XPO1: variants seen among roughly 807,000 people sequenced by gnomAD.
The protein encoded by XPO1 is exportin 1, also known as exportin-1.
Under a neutral mutation model 133.3 loss-of-function variants are expected in XPO1, and 5 were observed. That is an observed-to-expected ratio of 0.04 (90% confidence interval 0.02 to 0.08). The LOEUF is 0.08. XPO1 is among the 10% of genes least tolerant of loss of function. The pLI, the probability that XPO1 is intolerant of heterozygous loss-of-function variation, is 1.00. For synonymous variants in XPO1, 419 were observed against 408.2 expected, an observed-to-expected ratio of 1.03 and a Z score of -0.32; for missense variants, 506 against 1,267.5, an observed-to-expected ratio of 0.40 and a Z score of 9.12.
intron 4 of XPO1, among the ~76,000 whole-genome samples, chr2:61,516,100 T>G (rs909080023): frequency 6.7e-6 from 1 of 149,168 alleles, no homozygotes; most frequent in African/African-American, 2.5e-5. Context: ...CACTCCAGCC[T>G]GGGCGACAGA....
At chr2:61,494,344 CATTT>C in intron 11 of XPO1, 1 of 354,120 alleles carries the variant, frequency 2.8e-6, no homozygotes. Context: ...AATGGAACGA[CATTT>C]ATTTAAAAGG....
chr2:61,504,167 A>G (rs964345249), intron 4 of XPO1, among the ~76,000 whole-genome samples: 1 of 152,232 alleles, frequency 6.6e-6, no homozygotes. Flanking sequence ...GAAGTTTAGG[A>G]AAAAGTTTTC....
chr2:61,479,384 G>A (rs1255172125), intron 24 of XPO1, among the ~76,000 whole-genome samples: 5 of 151,926 alleles, frequency 3.3e-5, no homozygotes, highest in Non-Finnish European at 4.4e-5. Context: ...CCTGCATGGC[G>A]GAGGTTGCAG....
chr2:61,520,005 C>T (rs1698611411), intron 4 of XPO1, among the ~76,000 whole-genome samples: 1 of 151,976 alleles, frequency 6.6e-6, no homozygotes, highest in Non-Finnish European at 1.5e-5. Context: ...TTTTGTCTTC[C>T]CAACTATAAC....
chr2:61,482,033 C>CTTTTTTTTTTTATTTTTT (rs1491506588), intron 23 of XPO1, among the ~76,000 whole-genome samples: 1 of 86,820 alleles, frequency 1.2e-5, no homozygotes, highest in Non-Finnish European at 2.5e-5. Flanking sequence ...CCGTGCGTGG[C>CTTTTTTTTTTTATTTTTT]CTTTTTTTTT....
chr2:61,484,148 T>C (rs1696551041), intron 20 of XPO1, 43 bp from the exon 21 acceptor site: 1 of 1,547,916 alleles, frequency 6.5e-7, no homozygotes, highest in Non-Finnish European at 8.9e-7. Flanking sequence ...TCAGTGTCTT[T>C]GTTGTGCTAG....
chr2:61,527,074 C>T (rs1698936844), intron 2 of XPO1, among the ~76,000 whole-genome samples: 1 of 152,138 alleles, frequency 6.6e-6, no homozygotes, highest in Non-Finnish European at 1.5e-5. Context: ...GGGAGTAAAT[C>T]TGGTTTATTT....
chr2:61,502,892 C>G (rs1196164387), intron 4 of XPO1, among the ~76,000 whole-genome samples: 1 of 151,988 alleles, frequency 6.6e-6, no homozygotes, highest in Non-Finnish European at 1.5e-5. Context: ...CAGGAACAAG[C>G]CAACAAGCCC....
chr2:61,530,738 A>C (rs1051655591), intron 2 of XPO1, among the ~76,000 whole-genome samples: 7 of 151,924 alleles, frequency 4.6e-5, no homozygotes, highest in Non-Finnish European at 1.0e-4. Flanking sequence ...TAAAAAAAAA[A>C]AAACCTACCT....
chr2:61,515,609 CAA>C, intron 4 of XPO1, among the ~76,000 whole-genome samples: 1 of 152,132 alleles, frequency 6.6e-6, no homozygotes, highest in Admixed American at 6.5e-5. Flanking sequence ...CAAAACCTTG[CAA>C]CACAAACTGA....
Position 61,496,941 on chromosome 2 carries a change from C to G in XPO1, c.826G>C (p.Val276Leu). 1 of 1,613,374 alleles carries G rather than the reference C, an allele frequency of 6.2e-7. No individual in the cohort carries two copies. The highest frequency in any genetic ancestry group is 8.5e-7 in the Non-Finnish European group (1 of 1,179,794). Residue 276 changes from valine (V) to leucine (L), a missense_variant, in exon 10 of 25, where the codon GTA becomes CTA. By Grantham distance (32) the Val-to-Leu change is conservative. Transcript: ENST00000401558. Reference protein sequence around the residue: ...KCLTEIAGVSVSQYEEQFVTL... With the variant: ...KCLTEIAGVSLSQYEEQFVTL... Reference sequence around the variant, plus strand: ...ACAAATTGTTCTTCATATTGGCTTACACTCACACCAGCAATCTCAGTGAGG... The same window carrying G: ...ACAAATTGTTCTTCATATTGGCTTAGACTCACACCAGCAATCTCAGTGAGG...
intron 1 of XPO1, among the ~76,000 whole-genome samples, chr2:61,535,408 C>T (rs1302469227): frequency 2.6e-5 from 4 of 152,166 alleles, no homozygotes; most frequent in Non-Finnish European, 5.9e-5. Flanking sequence ...GTCAGATCTC[C>T]ACTTCTTCCC....
chr2:61,516,251 G>A (rs1183040842), intron 4 of XPO1, among the ~76,000 whole-genome samples: 2 of 150,014 alleles, frequency 1.3e-5, no homozygotes, highest in East Asian at 4.0e-4. Flanking sequence ...GCTGCAGTGA[G>A]TGGAGATTGA....
At chr2:61,513,198 A>T (rs541891352) in intron 4 of XPO1, among the ~76,000 whole-genome samples, 3 of 151,958 alleles carry the variant, frequency 2.0e-5, no homozygotes, top group African/African-American at 7.2e-5. Flanking sequence ...AGTCGGGATT[A>T]CAGGTGCATG....
At chr2:61,505,629 G>A (rs62151771) in intron 4 of XPO1, among the ~76,000 whole-genome samples, 1 of 152,068 alleles carries the variant, frequency 6.6e-6, no homozygotes, top group Admixed American at 6.6e-5. Context: ...CGTGATCTCA[G>A]CTCACTGCAA....
At chr2:61,512,279 CCT>C (rs1253251816) in intron 4 of XPO1, among the ~76,000 whole-genome samples, 1 of 152,118 alleles carries the variant, frequency 6.6e-6, no homozygotes, top group Non-Finnish European at 1.5e-5. Flanking sequence ...GAAACAATCA[CCT>C]CTGAGTAACA....
In XPO1 at chr2:61,522,594, ATTCT is replaced by A. The variant is rs1698748676; in HGVS notation, c.301+13_301+16del. The A allele has an allele frequency of 3.1e-6, 5 of 1,606,602 alleles. No homozygotes were observed. Among genetic ancestry groups the A allele is most frequent in the Non-Finnish European group, 4.3e-6 (5 of 1,174,858 alleles). Reference sequence around the variant, plus strand: ...GGAAAAACAAAACTCTGAATTTATAATTCTTTATTTTCCTACCTTCGCACTGGTT... The same window carrying A: ...GGAAAAACAAAACTCTGAATTTATAATTATTTTCCTACCTTCGCACTGGTT... On this transcript the variant is annotated intron_variant, in intron 4 of 24. Transcript: ENST00000401558.
intron 24 of XPO1, among the ~76,000 whole-genome samples, chr2:61,479,873 CTT>C (rs2104218018): frequency 6.6e-6 from 1 of 151,876 alleles, no homozygotes; most frequent in Admixed American, 6.6e-5. Flanking sequence ...ACTTTTTTCT[CTT>C]TTCTTTTGAG....
At chr2:61,524,968 T>C (rs931045343) in intron 3 of XPO1, among the ~76,000 whole-genome samples, 3 of 151,986 alleles carry the variant, frequency 2.0e-5, no homozygotes, top group Admixed American at 1.3e-4. Context: ...AAATCTGAAG[T>C]GACAGTCAAA....
Sources: allele counts gnomAD v4.1 joint callset (sites outside exome capture counted in the v4.1 genomes callset), GRCh38; gene constraint gnomAD v4.1.1; transcripts MANE v1.5; gene names NCBI Gene and HGNC (gene_info 2026-07-23, HGNC 2026-07-21).